Variants in MYMX observed in about 807,000 individuals in gnomAD.
The protein encoded by MYMX is myomixer, myoblast fusion factor.
At chr6:44,207,386 G>T in the MYMX span, among the ~76,000 whole-genome samples, 1 of 152,054 alleles carries the variant, frequency 6.6e-6, no homozygotes, top group Admixed American at 6.6e-5. Context: ...TGATCCACCC[G>T]CCTTGGCCTC....
chr6:44,217,707 G>C lies in MYMX; in HGVS notation c.236G>C (p.Arg79Thr), dbSNP rs1219702588. ...GTGGACCGCCTGGAGAGGAGGGAGAGGTTAGGCCCCCAAAAGTGAGGCCAC... is the reference window on the plus strand; with the variant it reads ...GTGGACCGCCTGGAGAGGAGGGAGACGTTAGGCCCCCAAAAGTGAGGCCAC... ...SRVDRLERRE[R>T]LGPQK The change falls in exon 2 of 2, where the codon AGG (arginine) becomes ACG (threonine). Residue 79 changes from arginine (R) to threonine (T), a missense_variant. Transcript: ENST00000573382. The C allele has an allele frequency of 5.0e-6, 2 of 400,902 alleles. No individual in the cohort carries two copies. The highest frequency in any genetic ancestry group is 4.1e-5 in the African/African-American group (2 of 48,716). 24.8% of individuals were successfully genotyped at this position (400,902 alleles called of 1,614,324 possible). A position where few individuals can be genotyped will look rare whatever the true frequency, so the allele number is the denominator to read the frequency against.
the MYMX span, among the ~76,000 whole-genome samples, chr6:44,197,576 C>T: frequency 1.3e-5 from 2 of 152,124 alleles, no homozygotes; most frequent in Admixed American, 6.5e-5. Flanking sequence ...CTTCCAGTAC[C>T]CTATGACTTG....
At chr6:44,216,829 C>A (rs1775895868), upstream of MYMX, 1 of 152,476 alleles carries the variant, frequency 6.6e-6, no homozygotes, top group African/African-American at 2.4e-5. Flanking sequence ...ACAGCTGTTT[C>A]TTCATTGTTC....
chr6:44,215,583 T>A (rs1775818934), upstream of MYMX, among the ~76,000 whole-genome samples: 1 of 130,138 alleles, frequency 7.7e-6, no homozygotes, highest in South Asian at 2.5e-4. Context: ...AAAAAAATAA[T>A]ATAAATAAAA....
rs1775977117 is a variant in MYMX, at chr6:44,218,017, C to T, written c.*291C>T. On this transcript the variant is annotated 3_prime_UTR_variant, in exon 2 of 2. Transcript: ENST00000573382. Reference sequence around the variant, plus strand: ...CTCAGGCGGGAGGGGAACTAACACCCACCCACCCCTGCCCTCCCTGCAAAT... The same window carrying T: ...CTCAGGCGGGAGGGGAACTAACACCTACCCACCCCTGCCCTCCCTGCAAAT... The T allele has an allele frequency of 2.4e-5, 7 of 293,026 alleles. No homozygotes were observed. The East Asian group carries it at 3.9e-4, about 16-fold the overall frequency. 18.2% of individuals were successfully genotyped at this position (293,026 alleles called of 1,614,324 possible).
At chr6:44,198,568 G>A in the MYMX span, among the ~76,000 whole-genome samples, 17 of 151,810 alleles carry the variant, frequency 1.1e-4, no homozygotes, top group Admixed American at 3.9e-4. Flanking sequence ...GTGCAGTGGC[G>A]CAATCTCAGC....
At chr6:44,201,546 G>A in the MYMX span, among the ~76,000 whole-genome samples, 2 of 152,260 alleles carry the variant, frequency 1.3e-5, no homozygotes, top group East Asian at 1.9e-4. Context: ...ATGACAGAGC[G>A]AGGGGCCACA....
At chr6:44,201,080 C>T in the MYMX span, among the ~76,000 whole-genome samples, 8 of 152,108 alleles carry the variant, frequency 5.3e-5, no homozygotes, top group Admixed American at 1.3e-4. Context: ...TCCCACTGCC[C>T]GGTCGCCTGT....
the MYMX span, among the ~76,000 whole-genome samples, chr6:44,196,346 G>T: frequency 6.6e-6 from 1 of 152,170 alleles, no homozygotes; most frequent in Non-Finnish European, 1.5e-5. Context: ...AGGTTTATCA[G>T]ATAGTGCCAA....
At chr6:44,194,255 C>CAT in the MYMX span, among the ~76,000 whole-genome samples, 1 of 152,186 alleles carries the variant, frequency 6.6e-6, no homozygotes, top group Admixed American at 6.6e-5. Flanking sequence ...AGGTCCTCAT[C>CAT]ACTCTTAGAA....
At chr6:44,205,679 G>A in the MYMX span, among the ~76,000 whole-genome samples, 1 of 150,572 alleles carries the variant, frequency 6.6e-6, no homozygotes. Flanking sequence ...CATGGTGGCG[G>A]GCGCCTGTAA....
the MYMX span, among the ~76,000 whole-genome samples, chr6:44,205,333 G>A: frequency 6.6e-6 from 1 of 152,074 alleles, no homozygotes; most frequent in Non-Finnish European, 1.5e-5. Flanking sequence ...AAATCACTAT[G>A]TATAAGCAAT....
chr6:44,210,706 C>A, the MYMX span, among the ~76,000 whole-genome samples: 1 of 152,224 alleles, frequency 6.6e-6, no homozygotes, highest in South Asian at 2.1e-4. Flanking sequence ...ATATCTAGAT[C>A]ATTTCCCAAC....
the MYMX span, among the ~76,000 whole-genome samples, chr6:44,209,274 A>G: frequency 8.9e-3 from 1,361 of 152,146 alleles, 10 homozygotes; most frequent in Non-Finnish European, 0.015. Flanking sequence ...TCGTGCTCTT[A>G]AAGGACTCAG....
At chr6:44,201,042 C>T in the MYMX span, among the ~76,000 whole-genome samples, 1 of 152,160 alleles carries the variant, frequency 6.6e-6, no homozygotes, top group Non-Finnish European at 1.5e-5. Flanking sequence ...CCATTTTGCT[C>T]ATGTCTTACA....
At chr6:44,212,170 C>A (rs1463199407), upstream of MYMX, among the ~76,000 whole-genome samples, 2 of 151,952 alleles carry the variant, frequency 1.3e-5, no homozygotes, top group African/African-American at 2.4e-5. Flanking sequence ...GTCACTTGGG[C>A]TGAGGCGGGA....
the MYMX span, among the ~76,000 whole-genome samples, chr6:44,195,923 G>C: frequency 5.9e-5 from 9 of 152,012 alleles, no homozygotes; most frequent in African/African-American, 2.2e-4. Flanking sequence ...TAAAGAACAT[G>C]AATGGACAAT....
At chr6:44,202,156 G>A in the MYMX span, among the ~76,000 whole-genome samples, 1 of 152,146 alleles carries the variant, frequency 6.6e-6, no homozygotes, top group African/African-American at 2.4e-5. Flanking sequence ...TATCATTCCT[G>A]CTTTCCCCAT....
chr6:44,201,352 C>T, the MYMX span, among the ~76,000 whole-genome samples: 1 of 152,114 alleles, frequency 6.6e-6, no homozygotes, highest in Non-Finnish European at 1.5e-5. Flanking sequence ...TGGTTCCTGG[C>T]CCCAAGGTCT....
Sources: gnomAD v4.1 joint callset for allele counts (sites outside exome capture counted in the v4.1 genomes callset) on GRCh38, gnomAD v4.1.1 for gene constraint, MANE v1.5 for transcripts, NCBI Gene and HGNC (gene_info 2026-07-23, HGNC 2026-07-21) for gene names.